PALM2AKAP2: variants seen among roughly 807,000 people sequenced by gnomAD.
PALM2AKAP2 encodes the protein PALM2-AKAP2 fusion protein.
PALM2AKAP2 carries 37 observed loss-of-function variants against 71.5 expected under a neutral mutation model. The observed-to-expected ratio is 0.52, with a 90% CI of 0.40 to 0.68. The LOEUF is 0.68. Ranked by LOEUF, PALM2AKAP2 falls within the 30% of genes least tolerant of loss-of-function variation. The pLI is 0.00. For missense variants in PALM2AKAP2, 1,224 were observed against 1,191.8 expected (o/e 1.03, Z -0.40); for synonymous variants, 468 against 478.8 (o/e 0.98, Z 0.29).
intron 2 of PALM2AKAP2, among the ~76,000 whole-genome samples, chr9:109,876,179 G>T (rs1303156857): frequency 6.6e-6 from 1 of 151,988 alleles, no homozygotes. Flanking sequence ...ATTGAGCTCT[G>T]CTTCCGCTAA....
intron 1 of PALM2AKAP2, among the ~76,000 whole-genome samples, chr9:109,845,864 T>C (rs954065124): frequency 6.6e-6 from 1 of 152,226 alleles, no homozygotes; most frequent in Non-Finnish European, 1.5e-5. Context: ...ATTCATTTAC[T>C]TATTGAGTGT....
chr9:110,098,153 A>AAGAGGGG (rs1274398379), intron 1 of PALM2AKAP2, among the ~76,000 whole-genome samples: 7 of 122,400 alleles, frequency 5.7e-5, no homozygotes, highest in South Asian at 2.4e-4. Flanking sequence ...AGACAGTGGA[A>AAGAGGGG]AGAGGGGAGA....
intron 1 of PALM2AKAP2, among the ~76,000 whole-genome samples, chr9:110,074,020 G>A (rs1406630224): frequency 6.6e-6 from 1 of 152,166 alleles, no homozygotes; most frequent in East Asian, 1.9e-4. Flanking sequence ...AACACCATTA[G>A]TAATTGGACA....
intron 3 of PALM2AKAP2, among the ~76,000 whole-genome samples, chr9:109,917,171 G>A (rs897659762): frequency 2.0e-5 from 3 of 152,196 alleles, no homozygotes; most frequent in Non-Finnish European, 1.5e-5. Context: ...TTTGAAGATG[G>A]AGGAAGGGAC....
chr9:110,045,185 A>T (rs1350477860), upstream of PALM2AKAP2, among the ~76,000 whole-genome samples: 3 of 152,174 alleles, frequency 2.0e-5, no homozygotes, highest in Non-Finnish European at 4.4e-5. Flanking sequence ...CCCTAAAAAA[A>T]TTTCCATGGA....
chr9:109,886,324 G>A (rs529883640), intron 3 of PALM2AKAP2, among the ~76,000 whole-genome samples: 3 of 152,288 alleles, frequency 2.0e-5, no homozygotes, highest in Middle Eastern at 3.4e-3. Context: ...AGCCACACTA[G>A]CCCTGTTTAC....
At chr9:110,166,080 C>T (rs1021087703) in intron 3 of PALM2AKAP2, among the ~76,000 whole-genome samples, 3 of 152,090 alleles carry the variant, frequency 2.0e-5, no homozygotes, top group East Asian at 1.9e-4. Flanking sequence ...TATAAAACGC[C>T]CTATTTGTAT....
intron 1 of PALM2AKAP2, among the ~76,000 whole-genome samples, chr9:109,762,746 G>A (rs1829077781): frequency 6.6e-6 from 1 of 152,282 alleles, no homozygotes; most frequent in African/African-American, 2.4e-5. Flanking sequence ...CTGAGATAAT[G>A]GGAAATTTTA....
At chr9:110,001,544 C>T (rs527710868) in intron 6 of PALM2AKAP2, among the ~76,000 whole-genome samples, 34 of 152,142 alleles carry the variant, frequency 2.2e-4, no homozygotes, top group East Asian at 1.9e-3. Flanking sequence ...TCTCCAATTC[C>T]GTGAATAAAG....
chr9:110,039,277 T>C (rs376470611), intron 7 of PALM2AKAP2, among the ~76,000 whole-genome samples: 1 of 152,154 alleles, frequency 6.6e-6, no homozygotes, highest in Non-Finnish European at 1.5e-5. Context: ...AAAAGAAAAT[T>C]CATAATATAC....
At chr9:110,000,281 C>G (rs1832659065) in intron 6 of PALM2AKAP2, among the ~76,000 whole-genome samples, 1 of 151,126 alleles carries the variant, frequency 6.6e-6, no homozygotes. Flanking sequence ...TTTGTCCTTG[C>G]CATAGTTTGC....
At chr9:109,711,775 G>A (rs534647997) in intron 1 of PALM2AKAP2, among the ~76,000 whole-genome samples, 1 of 152,208 alleles carries the variant, frequency 6.6e-6, no homozygotes, top group Non-Finnish European at 1.5e-5. Flanking sequence ...GAAATCCTTC[G>A]GGGTACTCTG....
At chr9:109,804,958 GC>G (rs1440974516) in intron 1 of PALM2AKAP2, among the ~76,000 whole-genome samples, 3 of 152,050 alleles carry the variant, frequency 2.0e-5, no homozygotes, top group African/African-American at 7.2e-5. Context: ...TTGTAGTTAT[GC>G]TCTCTATAAA....
intron 1 of PALM2AKAP2, among the ~76,000 whole-genome samples, chr9:109,699,917 A>G (rs1252848477): frequency 2.6e-5 from 4 of 152,040 alleles, no homozygotes; most frequent in South Asian, 4.2e-4. Flanking sequence ...CTGGGACTAC[A>G]GGCATGTGCC....
chr9:109,949,749 A>C (rs759794490), intron 6 of PALM2AKAP2, among the ~76,000 whole-genome samples: 167 of 152,308 alleles, frequency 1.1e-3, no homozygotes, highest in Admixed American at 2.0e-3. Flanking sequence ...ATGGCTTGAT[A>C]GCTCTCTGGG....
At chr9:109,854,771 T>TC (rs1307694188) in intron 1 of PALM2AKAP2, among the ~76,000 whole-genome samples, 10 of 135,662 alleles carry the variant, frequency 7.4e-5, no homozygotes, top group Admixed American at 2.2e-4. Flanking sequence ...ATCTTTTTTT[T>TC]TTTTTTTTTT....
intron 1 of PALM2AKAP2, among the ~76,000 whole-genome samples, chr9:109,681,421 T>A (rs1257176364): frequency 6.6e-6 from 1 of 152,196 alleles, no homozygotes; most frequent in Admixed American, 6.5e-5. Context: ...GCAATTCAAA[T>A]GTTGTTGAGG....
At chr9:109,678,034 A>G (rs1827673176) in intron 1 of PALM2AKAP2, among the ~76,000 whole-genome samples, 1 of 152,210 alleles carries the variant, frequency 6.6e-6, no homozygotes, top group Non-Finnish European at 1.5e-5. Context: ...TGGCCTGAGC[A>G]AGGAGGGGGG....
At chr9:109,755,957 C>T (rs7848530) in intron 1 of PALM2AKAP2, among the ~76,000 whole-genome samples, 46,068 of 151,694 alleles carry the variant, frequency 0.3, 7,084 homozygotes, top group Middle Eastern at 0.4. Context: ...CATGCAGATT[C>T]ATTTTGATTT....
Sources: allele counts gnomAD v4.1 joint callset (sites outside exome capture counted in the v4.1 genomes callset), GRCh38; gene constraint gnomAD v4.1.1; transcripts MANE v1.5; gene names NCBI Gene and HGNC (gene_info 2026-07-23, HGNC 2026-07-21).